Variants in CDKN1A observed in about 807,000 individuals in gnomAD.
The protein encoded by CDKN1A is cyclin dependent kinase inhibitor 1A.
In CDKN1A, 14 loss-of-function variants were observed where a neutral mutation model predicts 14.8. The observed-to-expected ratio is 0.94, with a 90% CI of 0.62 to 1.48. CDKN1A has a LOEUF of 1.48. Ranked by LOEUF, CDKN1A falls within the 40% of genes most tolerant of loss-of-function variation. The pLI, the probability that CDKN1A is intolerant of heterozygous loss-of-function variation, is 0.00. For synonymous variants in CDKN1A, 92 were observed against 93.5 expected (o/e 0.98, Z 0.09); for missense variants, 203 against 231.7 (o/e 0.88, Z 0.80).
At chr6:36,677,296 G>A (rs1235430713), upstream of CDKN1A, among the ~76,000 whole-genome samples, 1 of 152,182 alleles carries the variant, frequency 6.6e-6, no homozygotes, top group African/African-American at 2.4e-5. Context: ...AGAGGAGAAA[G>A]AAGCCTGTCC....
chr6:36,684,182 C>T lies in CDKN1A; in HGVS notation c.81C>T (p.Ser27=), dbSNP rs762818650. ...GCCGCCTCTTCGGCCCAGTGGACAGCGAGCAGCTGAGCCGCGACTGTGATG... is the reference window on the plus strand; with the variant it reads ...GCCGCCTCTTCGGCCCAGTGGACAGTGAGCAGCTGAGCCGCGACTGTGATG... The part of the protein sequence containing the change: ...ACRRLFGPVD[S]EQLSRDCDAL... The change falls in exon 2 of 3, where the codon AGC becomes AGT. Residue 27 remains serine, a synonymous_variant. Coordinates refer to ENST00000244741, the MANE Select transcript of CDKN1A (RefSeq NM_000389.5). The surrounding 1 kb of genome is among the most constrained non-coding windows in gnomAD (Gnocchi z 6.0). 1.2e-5 allele frequency: 19 copies of T among 1,611,852 alleles called. No homozygotes were observed. The highest frequency in any genetic ancestry group is 1.4e-5 in the Non-Finnish European group (17 of 1,180,002).
rs1039501629 is a variant in CDKN1A, at chr6:36,686,106, C to T, written c.*306C>T. 6 of 484,394 alleles carry T rather than the reference C, an allele frequency of 1.2e-5. No individual in the cohort carries two copies. The highest frequency in any genetic ancestry group is 3.7e-5 in the East Asian group (1 of 27,062). The allele number at this position is 484,394 out of a possible 1,614,324, so 30.0% of individuals were successfully genotyped here. A position where few individuals can be genotyped will look rare whatever the true frequency, so the allele number is the denominator to read the frequency against. On this transcript the variant is annotated 3_prime_UTR_variant, in exon 3 of 3. Transcript: ENST00000244741. The surrounding 1 kb of genome is among the most constrained non-coding windows in gnomAD (Gnocchi z 4.9). ...CCTCTCTCCCGGAGGTTGGGTGGGCCGGCTTCATGCCAGCTACTTCCTCCT... is the reference window on the plus strand; with the variant it reads ...CCTCTCTCCCGGAGGTTGGGTGGGCTGGCTTCATGCCAGCTACTTCCTCCT...
At chr6:36,680,307 C>CGTGTGTGTGTGTGTGTGTGTGTGTGT (rs59454180) in intron 1 of CDKN1A, among the ~76,000 whole-genome samples, 13 of 133,184 alleles carry the variant, frequency 9.8e-5, no homozygotes, top group Non-Finnish European at 1.6e-4. Flanking sequence ...TCTGCGCGGG[C>CGTGTGTGTGTGTGTGTGTGTGTGTGT]GTGTGTGTGT....
At chr6:36,679,551 G>A (rs3176327) in intron 1 of CDKN1A, among the ~76,000 whole-genome samples, 72 of 152,348 alleles carry the variant, frequency 4.7e-4, no homozygotes, top group Non-Finnish European at 9.3e-4. Flanking sequence ...CGCGGTCTCC[G>A]TCCTCCCATC....
At chr6:36,681,334 T>TCCTTTCTC (rs1554185368) in intron 1 of CDKN1A, among the ~76,000 whole-genome samples, 5 of 86,058 alleles carry the variant, frequency 5.8e-5, no homozygotes, top group African/African-American at 2.2e-4. Flanking sequence ...CTTTCTTTCT[T>TCCTTTCTC]TTTCTTTCTT....
At chr6:36,682,462 A>C (rs1762050567) in intron 1 of CDKN1A, among the ~76,000 whole-genome samples, 1 of 152,124 alleles carries the variant, frequency 6.6e-6, no homozygotes, top group African/African-American at 2.4e-5. Context: ...TATCTCTTCC[A>C]TCTCCTGCCC....
chr6:36,684,310 G>A lies in CDKN1A; in HGVS notation c.209G>A (p.Gly70Asp), dbSNP rs769049147. The change falls in exon 2 of 3, where the codon GGC becomes GAC. Residue 70 changes from glycine (G) to aspartate (D), a missense_variant. By Grantham distance (94) the Gly-to-Asp change is moderately conservative. Transcript: ENST00000244741. This position sits in a 1 kb window ranked among gnomAD's most constrained non-coding sequence, Gnocchi z 6.0. The stretch of plus-strand genomic sequence containing the variant: ...GACTTCGCCTGGGAGCGTGTGCGGG[G>A]CCTTGGCCTGCCCAAGCTCTACCTT... ...EGDFAWERVRGLGLPKLYLPT... is the reference protein window; with the variant it reads ...EGDFAWERVRDLGLPKLYLPT... The A allele has an allele frequency of 3.1e-6, 5 of 1,613,378 alleles. No individual in the cohort carries two copies. The highest frequency in any genetic ancestry group is 4.2e-6 in the Non-Finnish European group (5 of 1,180,002).
In CDKN1A at chr6:36,685,804, G is replaced by T. The variant is rs747014318; in HGVS notation, c.*4G>T. 3 of 1,613,956 alleles carry T rather than the reference G, an allele frequency of 1.9e-6. No individual in the cohort carries two copies. The highest frequency in any genetic ancestry group is 1.3e-5 in the African/African-American group (1 of 75,028). On this transcript the variant is annotated 3_prime_UTR_variant, in exon 3 of 3. Coordinates refer to ENST00000244741, the MANE Select transcript of CDKN1A (RefSeq NM_000389.5). ...CTTCTCCAAGAGGAAGCCCTAATCC[G>T]CCCACAGGAAGCCTGCAGTCCTGGA... is the stretch of plus-strand genomic sequence containing the variant.
chr6:36,680,277 GGCGC>G (rs201410543), intron 1 of CDKN1A, among the ~76,000 whole-genome samples: 3 of 140,998 alleles, frequency 2.1e-5, no homozygotes, highest in East Asian at 4.1e-4. Context: ...GCCGGCTCCC[GGCGC>G]GCGCGCGCGT....
chr6:36,682,161 C>A (rs1192389176), intron 1 of CDKN1A, among the ~76,000 whole-genome samples: 23 of 152,322 alleles, frequency 1.5e-4, no homozygotes, highest in Non-Finnish European at 1.5e-5. Flanking sequence ...CAGATCCTGG[C>A]TGTGCCACTT....
At chr6:36,685,655 GA>G (rs1295856901) in intron 2 of CDKN1A, 95 bp from the exon 3 acceptor site, 1 of 1,271,342 alleles carries the variant, frequency 7.9e-7, no homozygotes, top group African/African-American at 1.5e-5. Context: ...TGGCCCCAGG[GA>G]AGGGTGTCCT....
intron 1 of CDKN1A, among the ~76,000 whole-genome samples, chr6:36,681,623 C>T (rs562180233): frequency 1.9e-4 from 24 of 124,832 alleles, no homozygotes; most frequent in Admixed American, 3.8e-4. Flanking sequence ...GATGCGGTCT[C>T]GCTCTGTCAC....
chr6:36,678,998 C>A lies in CDKN1A; in HGVS notation c.-6+200C>A. On this transcript the variant is annotated intron_variant, in intron 1 of 2. Transcript: ENST00000244741. The surrounding 1 kb of genome is among the most constrained non-coding windows in gnomAD (Gnocchi z 5.7). ...CTTGCGCACACGGTGTCTCTAAGTGCGCGGGTGACGAGAGTCGGGATGTGC... is the reference window on the plus strand; with the variant it reads ...CTTGCGCACACGGTGTCTCTAAGTGAGCGGGTGACGAGAGTCGGGATGTGC... 1 of 983,046 alleles carries A rather than the reference C, an allele frequency of 1.0e-6. No homozygotes were observed. Among genetic ancestry groups the A allele is most frequent in the African/African-American group, 1.8e-5 (1 of 56,910 alleles). 60.9% of individuals were successfully genotyped at this position (983,046 alleles called of 1,614,324 possible). A position where few individuals can be genotyped will look rare whatever the true frequency, so the allele number is the denominator to read the frequency against.
At chr6:36,678,072 GT>G, upstream of CDKN1A, 1 of 394,186 alleles carries the variant, frequency 2.5e-6, no homozygotes, top group Admixed American at 3.5e-5. The surrounding 1 kb of genome is among the most constrained non-coding windows in gnomAD (Gnocchi z 5.7). Context: ...GTATACTTAA[GT>G]TCAGTGGACC....
At chr6:36,681,733 C>T (rs1052260146) in intron 1 of CDKN1A, among the ~76,000 whole-genome samples, 3 of 151,532 alleles carry the variant, frequency 2.0e-5, no homozygotes, top group Non-Finnish European at 4.4e-5. Flanking sequence ...GCTGGGACTA[C>T]AGGTGCTGCC....
chr6:36,682,737 G>T (rs1467059373), intron 1 of CDKN1A: 2 of 152,292 alleles, frequency 1.3e-5, no homozygotes, highest in East Asian at 3.8e-4. Flanking sequence ...GCAGGTAGGT[G>T]CCAGGGCTCC....
upstream of CDKN1A, chr6:36,677,916 G>A (rs754791865): frequency 1.5e-6 from 2 of 1,357,696 alleles, no homozygotes; most frequent in South Asian, 2.5e-5. Flanking sequence ...TGCAACCACA[G>A]GGATTTCTTC....
At chr6:36,682,852 C>T (rs1414878209) in intron 1 of CDKN1A, 1 of 152,236 alleles carries the variant, frequency 6.6e-6, no homozygotes, top group Non-Finnish European at 1.5e-5. Flanking sequence ...AAACGGTTTC[C>T]TTGGACACAG....
rs1582561840 is a variant in CDKN1A, at chr6:36,678,716, G to A, written c.-88G>A. The A allele has an allele frequency of 1.0e-6, 1 of 985,468 alleles. No individual in the cohort carries two copies. Among genetic ancestry groups the A allele is most frequent in the Non-Finnish European group, 1.2e-6 (1 of 829,956 alleles). The allele number at this position is 985,468 out of a possible 1,614,324, so 61.0% of individuals were successfully genotyped here. A position where few individuals can be genotyped will look rare whatever the true frequency, so the allele number is the denominator to read the frequency against. On this transcript the variant is annotated 5_prime_UTR_variant, in exon 1 of 3. Transcript: ENST00000244741. This position sits in a 1 kb window ranked among gnomAD's most constrained non-coding sequence, Gnocchi z 5.7. ...GGCCGCGCTGAGCTGCGCCAGCTGA[G>A]GTGTGAGCAGCTGCCGAAGTCAGTT...
Sources: allele counts gnomAD v4.1 joint callset (sites outside exome capture counted in the v4.1 genomes callset), GRCh38; gene constraint gnomAD v4.1.1; non-coding constraint Gnocchi (gnomAD v3.1); transcripts MANE v1.5; gene names NCBI Gene and HGNC (gene_info 2026-07-23, HGNC 2026-07-21).